Variants in TNNI3K observed in about 807,000 individuals in gnomAD.
The protein encoded by TNNI3K is TNNI3 interacting kinase, also known as serine/threonine-protein kinase TNNI3K.
A neutral mutation model predicts 114.5 loss-of-function variants in TNNI3K; 140 were observed. The observed-to-expected ratio is 1.22, with a 90% CI of 1.07 to 1.41. TNNI3K has a LOEUF of 1.41. Ranked by LOEUF, TNNI3K falls within the 40% of genes most tolerant of loss-of-function variation. The probability of loss-of-function intolerance (pLI) is 0.00; values close to 1 mark genes in which losing one functional copy is unlikely to be tolerated. For synonymous variants in TNNI3K, 347 were observed against 347.5 expected (o/e 1.00, Z 0.02); for missense variants, 1,125 against 1,007.6 (o/e 1.12, Z -1.58).
At chr1:74,496,654 T>C (rs1480679503) in intron 23 of TNNI3K, among the ~76,000 whole-genome samples, 1 of 152,164 alleles carries the variant, frequency 6.6e-6, no homozygotes, top group African/African-American at 2.4e-5. Context: ...TGCAAAATTG[T>C]GTCAGAGATT....
intron 6 of TNNI3K, 87 bp downstream of exon 6, chr1:74,331,635 T>C: frequency 3.4e-6 from 4 of 1,161,834 alleles, no homozygotes; most frequent in Non-Finnish European, 4.7e-6. Context: ...AGAGTTTATA[T>C]TTAAAATATA....
chr1:74,392,475 C>G (rs766055817), intron 17 of TNNI3K, among the ~76,000 whole-genome samples: 1 of 152,170 alleles, frequency 6.6e-6, no homozygotes, highest in Admixed American at 6.5e-5. Flanking sequence ...GTCACTAGAC[C>G]GTGCTGTCCA....
At chr1:74,412,237 A>G (rs151312148) in intron 17 of TNNI3K, among the ~76,000 whole-genome samples, 280 of 152,156 alleles carry the variant, frequency 1.8e-3, no homozygotes, top group African/African-American at 6.4e-3. Flanking sequence ...AATTAATTCC[A>G]TTATTCTTTG....
intron 5 of TNNI3K, among the ~76,000 whole-genome samples, chr1:74,296,236 A>T (rs997147623): frequency 6.6e-6 from 1 of 151,748 alleles, no homozygotes; most frequent in Admixed American, 6.6e-5. Context: ...AGATCGCGCC[A>T]CTGTGCTCCA....
At chr1:74,270,575 A>G (rs956350750) in intron 4 of TNNI3K, among the ~76,000 whole-genome samples, 1 of 151,738 alleles carries the variant, frequency 6.6e-6, no homozygotes, top group Non-Finnish European at 1.5e-5. Flanking sequence ...ATTTTTTAGA[A>G]TTTCTTGTAG....
intron 17 of TNNI3K, among the ~76,000 whole-genome samples, chr1:74,399,507 C>A (rs886332093): frequency 1.3e-5 from 2 of 152,030 alleles, no homozygotes; most frequent in Non-Finnish European, 2.9e-5. Context: ...AAGCTCCACC[C>A]ATGCTGGGAA....
intron 4 of TNNI3K, among the ~76,000 whole-genome samples, chr1:74,259,572 C>T (rs186437673): frequency 2.6e-5 from 4 of 151,988 alleles, no homozygotes; most frequent in African/African-American, 7.2e-5. Context: ...ACTTGAGCTC[C>T]GGAGTTTGAA....
At chr1:74,244,673 G>T (rs371771273) in intron 2 of TNNI3K, among the ~76,000 whole-genome samples, 2 of 148,990 alleles carry the variant, frequency 1.3e-5, no homozygotes, top group Non-Finnish European at 3.0e-5. Flanking sequence ...CAAAGGATCC[G>T]GGATTTAGTG....
chr1:74,513,643 C>A (rs1016804798), intron 23 of TNNI3K, among the ~76,000 whole-genome samples: 1 of 152,112 alleles, frequency 6.6e-6, no homozygotes, highest in African/African-American at 2.4e-5. Context: ...TTGTCACTTG[C>A]GTAACTGATG....
At chr1:74,505,995 T>C (rs1331052159) in intron 23 of TNNI3K, among the ~76,000 whole-genome samples, 1 of 152,216 alleles carries the variant, frequency 6.6e-6, no homozygotes, top group African/African-American at 2.4e-5. Flanking sequence ...AATCACTTTT[T>C]GTTTTTTTGG....
intron 17 of TNNI3K, among the ~76,000 whole-genome samples, chr1:74,397,414 G>A (rs1263063213): frequency 6.6e-6 from 1 of 152,186 alleles, no homozygotes; most frequent in East Asian, 1.9e-4. Context: ...CCTGCTCGTA[G>A]AGGAGAGTAG....
chr1:74,449,058 C>T (rs905292830), intron 20 of TNNI3K, among the ~76,000 whole-genome samples: 2 of 132,248 alleles, frequency 1.5e-5, no homozygotes, highest in Admixed American at 1.6e-4. Context: ...CTCCTTGTAC[C>T]TCTGGTAGAA....
chr1:74,331,410 C>T, intron 5 of TNNI3K, 40 bp from the exon 6 acceptor site: 1 of 1,593,796 alleles, frequency 6.3e-7, no homozygotes, highest in Non-Finnish European at 8.6e-7. Flanking sequence ...AGGCAGATAA[C>T]TCAACTGAAG....
intron 7 of TNNI3K, among the ~76,000 whole-genome samples, chr1:74,338,234 A>G (rs1258232809): frequency 6.6e-6 from 1 of 151,956 alleles, no homozygotes; most frequent in Non-Finnish European, 1.5e-5. Flanking sequence ...TTGATATTAT[A>G]TTACTATACT....
chr1:74,501,970 T>C (rs1350818969), intron 23 of TNNI3K, among the ~76,000 whole-genome samples: 1 of 152,166 alleles, frequency 6.6e-6, no homozygotes, highest in Non-Finnish European at 1.5e-5. Flanking sequence ...GTAGAGTGAA[T>C]TTTATTTTTT....
At chr1:74,329,836 G>C (rs12135799) in intron 5 of TNNI3K, among the ~76,000 whole-genome samples, 12,777 of 152,012 alleles carry the variant, frequency 0.084, 552 homozygotes, top group Non-Finnish European at 0.1. Context: ...CCCTAGTTCT[G>C]TAGGTCTATG....
At chr1:74,306,978 G>A (rs1658683381) in intron 5 of TNNI3K, among the ~76,000 whole-genome samples, 1 of 152,042 alleles carries the variant, frequency 6.6e-6, no homozygotes, top group Non-Finnish European at 1.5e-5. Context: ...TTCTCATAGG[G>A]CTTTTATAGT....
At chr1:74,238,500 G>A (rs967404434) in intron 2 of TNNI3K, among the ~76,000 whole-genome samples, 3 of 151,996 alleles carry the variant, frequency 2.0e-5, no homozygotes, top group Non-Finnish European at 2.9e-5. Context: ...CATAAAGTGA[G>A]AGTAACAAAT....
chr1:74,295,773 C>T (rs190874107), intron 5 of TNNI3K, among the ~76,000 whole-genome samples: 5 of 152,034 alleles, frequency 3.3e-5, no homozygotes, highest in East Asian at 1.9e-4. Flanking sequence ...AAGAAATATT[C>T]GTATTTTAAA....
Sources: gnomAD v4.1 joint callset for allele counts (sites outside exome capture counted in the v4.1 genomes callset) on GRCh38, gnomAD v4.1.1 for gene constraint, MANE v1.5 for transcripts, NCBI Gene and HGNC (gene_info 2026-07-23, HGNC 2026-07-21) for gene names.